TUBGCP2: variants seen among roughly 807,000 people sequenced by gnomAD.
The protein encoded by TUBGCP2 is tubulin gamma complex component 2.
A neutral mutation model predicts 92.2 loss-of-function variants in TUBGCP2; 55 were observed. The observed-to-expected ratio is 0.60, with a 90% CI of 0.48 to 0.75. The LOEUF (loss-of-function observed/expected upper bound fraction) is 0.75, where lower values mean the gene tolerates loss of function less well. Ranked by LOEUF, TUBGCP2 falls within the 30% of genes least tolerant of loss-of-function variation. TUBGCP2 has a pLI of 0.00. For synonymous variants in TUBGCP2, 533 were observed against 505.2 expected (o/e 1.06, Z -0.74); for missense variants, 1,093 against 1,188.9 (o/e 0.92, Z 1.19).
intron 5 of TUBGCP2, chr10:133,297,479 G>A (rs1847517258): frequency 9.2e-6 from 4 of 433,712 alleles, no homozygotes; most frequent in South Asian, 3.3e-5. Context: ...CAATAACAAC[G>A]TCTTGAAATG....
At chr10:133,281,939 C>T (rs1589820451) in intron 16 of TUBGCP2, among the ~76,000 whole-genome samples, 2 of 152,270 alleles carry the variant, frequency 1.3e-5, no homozygotes, top group African/African-American at 2.4e-5. Context: ...GCAGGGACAG[C>T]GGGTGTGGCC....
intron 1 of TUBGCP2, among the ~76,000 whole-genome samples, chr10:133,303,598 G>A (rs1847733429): frequency 6.6e-6 from 1 of 152,204 alleles, no homozygotes; most frequent in African/African-American, 2.4e-5. Context: ...CCAGCTACCG[G>A]CACACACAGT....
At chr10:133,298,218 A>G (rs1466884427) in intron 4 of TUBGCP2, 107 bp from the exon 5 acceptor site, 1 of 1,219,094 alleles carries the variant, frequency 8.2e-7, no homozygotes, top group Non-Finnish European at 1.1e-6. Flanking sequence ...ATGATTACTC[A>G]ATTCAACACC....
chr10:133,311,682 T>A (rs111577243), upstream of TUBGCP2: 2 of 1,580,870 alleles, frequency 1.3e-6, no homozygotes, highest in South Asian at 2.2e-5. Flanking sequence ...GTGGGAGCCG[T>A]GCAGGGCAGT....
At chr10:133,308,493 G>A (rs1847882604) in intron 1 of TUBGCP2, 1 of 153,686 alleles carries the variant, frequency 6.5e-6, no homozygotes, top group African/African-American at 2.4e-5. Flanking sequence ...TGCAGCGGGA[G>A]ACGACAGGCG....
upstream of TUBGCP2, chr10:133,310,246 AC>A: frequency 1.2e-6 from 2 of 1,614,016 alleles, no homozygotes; most frequent in South Asian, 1.1e-5. Context: ...ATGCACCTGT[AC>A]CCCGCGGACT....
chr10:133,295,745 T>TA (rs1411388679), intron 5 of TUBGCP2: 1 of 152,416 alleles, frequency 6.6e-6, no homozygotes, highest in East Asian at 1.9e-4. Context: ...CACAAGGTCC[T>TA]GATGCTTTCC....
chr10:133,292,522 C>T lies in TUBGCP2; in HGVS notation c.1191G>A (p.Arg397=), dbSNP rs779011955. The T allele has an allele frequency of 1.2e-6, 2 of 1,613,896 alleles. No individual in the cohort carries two copies. Among genetic ancestry groups the T allele is most frequent in the Non-Finnish European group, 1.7e-6 (2 of 1,179,950 alleles). Residue 397 remains arginine (R), a synonymous_variant, in exon 8 of 18, where the codon AGG becomes AGA. Coordinates refer to ENST00000252936, the MANE Select transcript of TUBGCP2 (RefSeq NM_006659.4). ...ACCTGTATGGGTCGTGGATGATGCCCCTGTAGATCCACTTCTCCAGAACCT... is the reference window on the plus strand; with the variant it reads ...ACCTGTATGGGTCGTGGATGATGCCTCTGTAGATCCACTTCTCCAGAACCT... The part of the protein sequence containing the change: ...YFEVLEKWIY[R]GIIHDPYSEF...
chr10:133,310,125 G>A (rs774984047), upstream of TUBGCP2: 1 of 1,612,718 alleles, frequency 6.2e-7, no homozygotes, highest in Non-Finnish European at 8.5e-7. Context: ...GTGGGGGAGG[G>A]CCAGGGGTCA....
At position 133,285,288 on chromosome 10, in the gene TUBGCP2, C is replaced by T. The variant is rs771007664; in HGVS notation, c.1896-75G>A. On this transcript the variant is annotated intron_variant, in intron 12 of 17. Transcript: ENST00000252936. This position sits in a 1 kb window ranked among gnomAD's most constrained non-coding sequence, Gnocchi z 6.8. ...TCGTGGACACGGCGTCTGTACTCCA[C>T]AGTCCGCACCGTGGCCCCCGGACAG... 1.2e-6 allele frequency: 2 copies of T among 1,600,808 alleles called. No homozygotes were observed. Among genetic ancestry groups the T allele is most frequent in the East Asian group, 2.2e-5 (1 of 44,604 alleles).
chr10:133,311,644 A>G (rs767281112), upstream of TUBGCP2: 13 of 1,304,344 alleles, frequency 1.0e-5, no homozygotes, highest in Non-Finnish European at 1.4e-5. Flanking sequence ...TCTTTCTTGC[A>G]TGTTCATTTC....
At chr10:133,288,337 T>C (rs748166202) in intron 10 of TUBGCP2, 28 bp from the exon 11 acceptor site, 3 of 1,604,720 alleles carry the variant, frequency 1.9e-6, no homozygotes, top group Non-Finnish European at 2.6e-6. Flanking sequence ...CGTGAGCAGG[T>C]GCCCACCCGC....
At chr10:133,311,978 AGAG>A (rs1201179478), upstream of TUBGCP2, 1 of 1,609,606 alleles carries the variant, frequency 6.2e-7, no homozygotes, top group African/African-American at 1.3e-5. Context: ...GGCTTCCGCC[AGAG>A]AAGAAAGTCC....
chr10:133,312,221 C>T (rs1848007742), upstream of TUBGCP2: 6 of 1,384,562 alleles, frequency 4.3e-6, no homozygotes, highest in Admixed American at 9.8e-5. Context: ...CTAGCGTCAC[C>T]TGTGCCGTCT....
rs759681916 is a variant in TUBGCP2 at position 133,284,011 on chromosome 10, C to CACGGAGG, written c.2025-16_2025-10dup. On this transcript the variant is annotated splice_polypyrimidine_tract_variant and intron_variant, in intron 13 of 17. Coordinates refer to ENST00000252936, the MANE Select transcript of TUBGCP2 (RefSeq NM_006659.4). ...TGAAAGCCCCAGCAAACCTGAGTGACACGGAGGACGGAGGACAGCCATGGA... is the reference window on the plus strand; with the variant it reads ...TGAAAGCCCCAGCAAACCTGAGTGACACGGAGGACGGAGGACGGAGGACAGCCATGGA... 1.3e-5 allele frequency: 21 copies of CACGGAGG among 1,612,740 alleles called. No individual in the cohort carries two copies. The Admixed American group carries it at 2.0e-4, about 15-fold the overall frequency.
intron 1 of TUBGCP2, among the ~76,000 whole-genome samples, chr10:133,306,498 A>G (rs904831410): frequency 6.6e-6 from 1 of 152,196 alleles, no homozygotes; most frequent in African/African-American, 2.4e-5. Flanking sequence ...ATTTATTTAA[A>G]AACTACATGC....
rs1564938928 is a variant in TUBGCP2 at position 133,291,315 on chromosome 10, G to GGTCGTGGATGATGCCCCT, written c.1214+1183_1214+1184insAGGGGCATCATCCACGAC. Among the ~76,000 whole-genome samples the GGTCGTGGATGATGCCCCT allele has an allele frequency of 1.6e-3, 107 of 67,904 alleles. 3 individuals carry two copies. Among genetic ancestry groups the GGTCGTGGATGATGCCCCT allele is most frequent in the East Asian group, 5.3e-3 (6 of 1,124 alleles). 44.5% of individuals were successfully genotyped at this position (67,904 alleles called of 152,430 possible). On this transcript the variant is annotated intron_variant, in intron 8 of 17. Transcript: ENST00000252936. ...TGTCCCGGGGAGCCCTACCTGTACGGGAGAGGGCAGCATGCACCGTCCGTG... is the reference window on the plus strand; with the variant it reads ...TGTCCCGGGGAGCCCTACCTGTACGGGTCGTGGATGATGCCCCTGAGAGGGCAGCATGCACCGTCCGTG...
chr10:133,294,339 C>T (rs74164141), intron 5 of TUBGCP2, among the ~76,000 whole-genome samples: 9,596 of 152,250 alleles, frequency 0.063, 420 homozygotes, highest in African/African-American at 0.12. Flanking sequence ...CCTGGGGGGC[C>T]GGGAGGAGCA....
upstream of TUBGCP2, chr10:133,310,023 T>G: frequency 1.2e-6 from 2 of 1,611,258 alleles, no homozygotes; most frequent in Non-Finnish European, 1.7e-6. Flanking sequence ...CCATTGGTGA[T>G]GGGCTCAGAG....
Sources: allele counts gnomAD v4.1 joint callset (sites outside exome capture counted in the v4.1 genomes callset), GRCh38; gene constraint gnomAD v4.1.1; non-coding constraint Gnocchi (gnomAD v3.1); transcripts MANE v1.5; gene names NCBI Gene and HGNC (gene_info 2026-07-23, HGNC 2026-07-21).